ARID1A: variants seen among roughly 807,000 people sequenced by gnomAD.
ARID1A encodes the protein AT-rich interactive domain-containing protein 1A.
A neutral mutation model predicts 212.6 loss-of-function variants in ARID1A; 20 were observed. The ratio of observed to expected loss-of-function variants is 0.09; its 90% CI spans 0.07 to 0.14. The LOEUF (loss-of-function observed/expected upper bound fraction) is 0.14, where lower values mean the gene tolerates loss of function less well. ARID1A is among the 10% of genes least tolerant of loss of function. ARID1A has a pLI of 1.00. For synonymous variants in ARID1A, 1,376 were observed against 1,222.1 expected (o/e 1.13, Z -2.63); for missense variants, 2,587 against 3,059.0 (o/e 0.85, Z 3.64).
At position 26,696,844 on chromosome 1, in the gene ARID1A, C is replaced by A. The variant is rs2080267650; in HGVS notation, c.441C>A (p.Ala147=). The change falls in exon 1 of 20, where the codon GCC becomes GCA. Residue 147 remains alanine (A), a synonymous_variant. Transcript: ENST00000324856. ...CCGCGGCCGCCTTGCCGCCCCCAGC[C>A]TACGGCTTCGGGCAACCCTACGGCC... The part of the protein sequence containing the change: ...HSAAAALPPP[A]YGFGQPYGRS... 7.4e-7 allele frequency: 1 copy of A among 1,342,694 alleles called. No homozygotes were observed. The highest frequency in any genetic ancestry group is 9.5e-7 in the Non-Finnish European group (1 of 1,048,588). The allele number at this position is 1,342,694 out of a possible 1,614,324, so 83.2% of individuals were successfully genotyped here. A position where few individuals can be genotyped will look rare whatever the true frequency, so the allele number is the denominator to read the frequency against.
intron 6 of ARID1A, 123 bp from the exon 7 acceptor site, chr1:26,762,029 A>T: frequency 8.8e-7 from 1 of 1,136,522 alleles, no homozygotes; most frequent in Non-Finnish European, 1.2e-6. Context: ...AGAAAATCAG[A>T]TAGAGACTCC....
chr1:26,698,920 CA>C (rs1557572688), intron 1 of ARID1A, among the ~76,000 whole-genome samples: 1 of 152,118 alleles, frequency 6.6e-6, no homozygotes, highest in African/African-American at 2.4e-5. Context: ...AGACTGGCCT[CA>C]TTCTTTGTTT....
intron 1 of ARID1A, among the ~76,000 whole-genome samples, chr1:26,707,622 C>T (rs568180088): frequency 2.6e-5 from 4 of 152,202 alleles, no homozygotes; most frequent in South Asian, 2.1e-4. Context: ...GGATTACAGG[C>T]GTGAGCCACT....
chr1:26,698,939 G>T (rs1412682586), intron 1 of ARID1A, among the ~76,000 whole-genome samples: 1 of 152,102 alleles, frequency 6.6e-6, no homozygotes, highest in African/African-American at 2.4e-5. Flanking sequence ...TTTACATGTT[G>T]AATCTTGTTA....
chr1:26,761,210 T>C, intron 5 of ARID1A, 114 bp downstream of exon 5: 1 of 1,504,916 alleles, frequency 6.6e-7, no homozygotes, highest in South Asian at 1.3e-5. Context: ...GCCTGCATAG[T>C]TTCCCCTTAG....
In ARID1A at chr1:26,773,341, C is replaced by A. The variant is rs2081100991; in HGVS notation, c.3716-5C>A. On this transcript the variant is annotated splice_polypyrimidine_tract_variant and splice_region_variant and intron_variant, in intron 14 of 19. Transcript: ENST00000324856. ...TTTGTTCACCGCTTGCCTTTCTACGCTCAGCTCCAGGGAGTGATCCCTTCA... is the reference window on the plus strand; with the variant it reads ...TTTGTTCACCGCTTGCCTTTCTACGATCAGCTCCAGGGAGTGATCCCTTCA... 4 of 1,565,752 alleles carry A rather than the reference C, an allele frequency of 2.6e-6. No individual in the cohort carries two copies. The highest frequency in any genetic ancestry group is 3.5e-6 in the Non-Finnish European group (4 of 1,158,358).
chr1:26,772,608 A>G lies in ARID1A; in HGVS notation c.3515A>G (p.Gln1172Arg), dbSNP rs2124104790. The stretch of plus-strand genomic sequence containing the variant: ...ACTCCAGCATCCACACCACACAGTC[A>G]GATCCCCCCATTGCCAGGCATGAGG... ...PPTPASTPHS[Q>R]IPPLPGMSRS... The change falls in exon 13 of 20, where the codon CAG becomes CGG. Residue 1172 changes from glutamine (Q) to arginine (R), a missense_variant. By Grantham distance (43) the Gln-to-Arg change is conservative (BLOSUM62 1). Transcript: ENST00000324856. The G allele has an allele frequency of 6.2e-7, 1 of 1,614,236 alleles. No homozygotes were observed. The highest frequency in any genetic ancestry group is 8.5e-7 in the Non-Finnish European group (1 of 1,180,036).
chr1:26,780,429 G>A lies in ARID1A; in HGVS notation c.6531G>A (p.Gly2177=). ...AVVLLANLAQ[G]DSLAARAIAV... ...TACTGCTGGCCAACCTGGCTCAGGG[G>A]GACAGCCTGGCAGCTCGTGCCATTG... The change falls in exon 20 of 20, where the codon GGG becomes GGA. Residue 2177 remains glycine (G), a synonymous_variant. Coordinates refer to ENST00000324856, the MANE Select transcript of ARID1A (RefSeq NM_006015.6). The surrounding 1 kb of genome is among the most constrained non-coding windows in gnomAD (Gnocchi z 7.2). 1 of 1,614,226 alleles carries A rather than the reference G, an allele frequency of 6.2e-7. No individual in the cohort carries two copies. Among genetic ancestry groups the A allele is most frequent in the Non-Finnish European group, 8.5e-7 (1 of 1,180,038 alleles).
intron 4 of ARID1A, among the ~76,000 whole-genome samples, chr1:26,760,039 G>A (rs2080976361): frequency 1.3e-5 from 2 of 152,094 alleles, no homozygotes; most frequent in South Asian, 4.1e-4. Context: ...GAAGGAGAGG[G>A]GATCTATAAA....
At chr1:26,750,692 C>T (rs1295536114) in intron 4 of ARID1A, among the ~76,000 whole-genome samples, 5 of 151,742 alleles carry the variant, frequency 3.3e-5, no homozygotes, top group African/African-American at 7.3e-5. Flanking sequence ...AGGCTTAGAA[C>T]ATATTCAGTT....
chr1:26,764,001 A>T (rs755364723), intron 8 of ARID1A, among the ~76,000 whole-genome samples: 4 of 151,700 alleles, frequency 2.6e-5, no homozygotes, highest in Non-Finnish European at 4.4e-5. Flanking sequence ...AGACTGTCTC[A>T]CTCTGTTGCC....
chr1:26,771,461 T>G lies in ARID1A; in HGVS notation c.3406+135T>G. 1.0e-6 allele frequency: 1 copy of G among 970,760 alleles called. No homozygotes were observed. Among genetic ancestry groups the G allele is most frequent in the Non-Finnish European group, 1.5e-6 (1 of 660,614 alleles). 60.1% of individuals were successfully genotyped at this position (970,760 alleles called of 1,614,324 possible). On this transcript the variant is annotated intron_variant, in intron 12 of 19. Transcript: ENST00000324856. This position sits in a 1 kb window ranked among gnomAD's most constrained non-coding sequence, Gnocchi z 5.4. ...GCTCTGCCTTGCCCTACCACAGGGC[T>G]TAACAGGTTGGCTGACTAGAGAGTG...
At chr1:26,732,568 CT>C (rs932250291) in intron 3 of ARID1A, 107 bp from the exon 4 acceptor site, 2 of 869,680 alleles carry the variant, frequency 2.3e-6, no homozygotes, top group African/African-American at 3.4e-5. Flanking sequence ...CGCAACTGGA[CT>C]TTCTCTCACA....
intron 19 of ARID1A, among the ~76,000 whole-genome samples, chr1:26,777,351 G>T (rs1441383027): frequency 6.6e-6 from 1 of 151,906 alleles, no homozygotes; most frequent in African/African-American, 2.4e-5. Flanking sequence ...TTCCCAAGTG[G>T]CTGGGACTAC....
chr1:26,712,477 G>A (rs374262559), intron 1 of ARID1A, among the ~76,000 whole-genome samples: 3 of 152,122 alleles, frequency 2.0e-5, no homozygotes, highest in Non-Finnish European at 4.4e-5. Flanking sequence ...TTGAGCCCAG[G>A]AGTTCGAGAC....
chr1:26,729,915 C>T (rs1269147503), intron 2 of ARID1A, 52 bp downstream of exon 2: 2 of 1,575,020 alleles, frequency 1.3e-6, no homozygotes, highest in African/African-American at 1.3e-5. Flanking sequence ...AAAATCTGAT[C>T]TGTGAGCTAT....
rs573710928 is a variant in ARID1A, at chr1:26,725,971, C to T, written c.1138-3680C>T. ...CTGGGTTTAAGTGGTTCACCTGCCT[C>T]AGCCTGCTGAGTAGCTGGGATTAAC... On this transcript the variant is annotated intron_variant, in intron 1 of 19. Coordinates refer to ENST00000324856, the MANE Select transcript of ARID1A (RefSeq NM_006015.6). 2.8e-4 allele frequency among the ~76,000 whole-genome samples: 42 copies of T among 151,338 alleles called. No homozygotes were observed. The South Asian group carries it at 4.6e-3, about 17-fold the overall frequency.
intron 4 of ARID1A, chr1:26,753,010 T>G (rs1441267386): frequency 1.3e-5 from 2 of 152,232 alleles, no homozygotes; most frequent in Non-Finnish European, 2.9e-5. Flanking sequence ...AGCATTGCCA[T>G]GAGCCTATTC....
chr1:26,746,797 G>T lies in ARID1A; in HGVS notation c.1920+14005G>T, dbSNP rs528648235. On this transcript the variant is annotated intron_variant, in intron 4 of 19. Coordinates refer to ENST00000324856, the MANE Select transcript of ARID1A (RefSeq NM_006015.6). ...CACGCCTGTAATCCCAGCAGTTTGG[G>T]AGGCCAAGGCGGGCAAATCACCTGA... 4.9e-4 allele frequency among the ~76,000 whole-genome samples: 75 copies of T among 152,358 alleles called. 1 individual carries two copies. The South Asian group carries it at 0.014, about 29-fold the overall frequency.
Sources: gnomAD v4.1 joint callset for allele counts (sites outside exome capture counted in the v4.1 genomes callset) on GRCh38, gnomAD v4.1.1 for gene constraint, Gnocchi (gnomAD v3.1) non-coding constraint, MANE v1.5 for transcripts, NCBI Gene and HGNC (gene_info 2026-07-23, HGNC 2026-07-21) for gene names.